CALCRL: variants seen among roughly 807,000 people sequenced by gnomAD.
CALCRL encodes the protein calcitonin receptor like receptor, also known as calcitonin gene-related peptide type 1 receptor.
CALCRL carries 27 observed loss-of-function variants against 60.4 expected under a neutral mutation model. The ratio of observed to expected loss-of-function variants is 0.45; its 90% CI spans 0.33 to 0.62. The LOEUF (loss-of-function observed/expected upper bound fraction) is 0.62. CALCRL is among the 20% of genes least tolerant of loss of function. CALCRL has a pLI of 0.03. For synonymous variants in CALCRL, 190 were observed against 182.6 expected (o/e 1.04, Z -0.33); for missense variants, 424 against 540.7 (o/e 0.78, Z 2.14).
chr2:187,379,100 C>G, intron 7 of CALCRL, 69 bp from the exon 8 acceptor site: 1 of 750,110 alleles, frequency 1.3e-6, no homozygotes, highest in Non-Finnish European at 2.4e-6. Flanking sequence ...CCCACACATG[C>G]AGAAGTTCAA....
At chr2:187,401,985 A>T (rs1230762851) in intron 1 of CALCRL, among the ~76,000 whole-genome samples, 1 of 151,432 alleles carries the variant, frequency 6.6e-6, no homozygotes, top group Non-Finnish European at 1.5e-5. Context: ...GGAAGAAAGG[A>T]AGAAGGGAAA....
At chr2:187,399,301 T>C (rs905043985) in intron 1 of CALCRL, among the ~76,000 whole-genome samples, 3 of 151,476 alleles carry the variant, frequency 2.0e-5, no homozygotes, top group Non-Finnish European at 4.4e-5. Context: ...TTTCTAAAGA[T>C]GAAATAGTCT....
chr2:187,385,161 G>A (rs1185665251), intron 4 of CALCRL, among the ~76,000 whole-genome samples: 1 of 152,198 alleles, frequency 6.6e-6, no homozygotes, highest in African/African-American at 2.4e-5. Flanking sequence ...TCAACTGGCA[G>A]AACGGGAGAA....
intron 1 of CALCRL, among the ~76,000 whole-genome samples, chr2:187,424,826 A>G (rs537678500): frequency 6.6e-6 from 1 of 152,114 alleles, no homozygotes; most frequent in East Asian, 1.9e-4. Context: ...TTTTGTCAAA[A>G]CTGATATATC....
intron 14 of CALCRL, among the ~76,000 whole-genome samples, chr2:187,348,652 A>G (rs949202478): frequency 6.6e-6 from 1 of 151,744 alleles, no homozygotes; most frequent in African/African-American, 2.4e-5. Context: ...CAGAAAAACC[A>G]TAGAAAGCCA....
chr2:187,358,922 C>G, intron 12 of CALCRL, 141 bp downstream of exon 12: 1 of 748,808 alleles, frequency 1.3e-6, no homozygotes. Flanking sequence ...GATACCTTCA[C>G]TAAACGCTAT....
chr2:187,374,932 A>G (rs866562717), intron 8 of CALCRL, among the ~76,000 whole-genome samples: 15 of 152,254 alleles, frequency 9.9e-5, no homozygotes, highest in Middle Eastern at 6.8e-3. Flanking sequence ...AGTGATGACA[A>G]GTTTGGAATA....
chr2:187,347,893 CTACTA>C (rs1574200961), intron 14 of CALCRL, among the ~76,000 whole-genome samples: 1 of 151,658 alleles, frequency 6.6e-6, no homozygotes, highest in East Asian at 1.9e-4. Context: ...TAATTTCACT[CTACTA>C]TATAGTTCAA....
At chr2:187,361,930 A>G (rs138244172) in intron 9 of CALCRL, among the ~76,000 whole-genome samples, 239 of 152,114 alleles carry the variant, frequency 1.6e-3, no homozygotes, top group African/African-American at 5.6e-3. Context: ...ACCTGTATGT[A>G]AAACACAGCA....
chr2:187,438,807 A>T (rs1388376840), intron 1 of CALCRL, among the ~76,000 whole-genome samples: 1 of 152,220 alleles, frequency 6.6e-6, no homozygotes, highest in Non-Finnish European at 1.5e-5. Context: ...ATATTACAGG[A>T]AGCATCTTTA....
Position 187,359,095 on chromosome 2 carries a change from T to C in CALCRL, c.877A>G (p.Ile293Val), listed in dbSNP as rs1686931049. Reference sequence around the variant, plus strand: ...GCAGCACAAATTGGGCCATGGATAATGTAGAGGAGATGGGTATCAGAACTG... The same window carrying C: ...GCAGCACAAATTGGGCCATGGATAACGTAGAGGAGATGGGTATCAGAACTG... ...WISSDTHLLY[I>V]IHGPICAALL... Residue 293 changes from isoleucine to valine, a missense_variant, in exon 12 of 15, where the codon ATT becomes GTT. By Grantham distance (29) the Ile-to-Val change is conservative (BLOSUM62 3). Coordinates refer to ENST00000392370, the MANE Select transcript of CALCRL (RefSeq NM_005795.6). 2 of 1,613,320 alleles carry C rather than the reference T, an allele frequency of 1.2e-6. No homozygotes were observed. Among genetic ancestry groups the C allele is most frequent in the Non-Finnish European group, 1.7e-6 (2 of 1,179,414 alleles).
At chr2:187,350,587 TATAA>T (rs1213543860) in intron 14 of CALCRL, among the ~76,000 whole-genome samples, 3 of 150,766 alleles carry the variant, frequency 2.0e-5, no homozygotes, top group African/African-American at 4.9e-5. Flanking sequence ...ATAATAATAA[TATAA>T]ATAAATACGT....
intron 1 of CALCRL, among the ~76,000 whole-genome samples, chr2:187,420,347 C>T (rs1689814696): frequency 6.6e-6 from 1 of 151,958 alleles, no homozygotes; most frequent in Non-Finnish European, 1.5e-5. Context: ...CTCTTATTTA[C>T]TGAACCACTA....
At chr2:187,446,531 A>G (rs1691194699) in intron 1 of CALCRL, among the ~76,000 whole-genome samples, 1 of 151,784 alleles carries the variant, frequency 6.6e-6, no homozygotes, top group Admixed American at 6.6e-5. Flanking sequence ...ATTATAAAAT[A>G]TGATCATAAT....
chr2:187,369,606 A>C (rs1687437689), intron 8 of CALCRL, among the ~76,000 whole-genome samples: 1 of 152,202 alleles, frequency 6.6e-6, no homozygotes, highest in Non-Finnish European at 1.5e-5. Flanking sequence ...ACTATTGGAT[A>C]GTAATATTTT....
chr2:187,436,260 G>T (rs1399963058), intron 1 of CALCRL, among the ~76,000 whole-genome samples: 1 of 152,114 alleles, frequency 6.6e-6, no homozygotes, highest in Non-Finnish European at 1.5e-5. Flanking sequence ...GGGCACACAT[G>T]CATCATTTAA....
At chr2:187,398,087 G>A (rs573301016) in intron 1 of CALCRL, among the ~76,000 whole-genome samples, 51 of 151,518 alleles carry the variant, frequency 3.4e-4, no homozygotes, top group Non-Finnish European at 5.9e-4. Context: ...AGAGGCAAGC[G>A]GCCAAATCTC....
chr2:187,382,597 TG>T (rs1481111727), intron 5 of CALCRL, among the ~76,000 whole-genome samples: 1 of 152,314 alleles, frequency 6.6e-6, no homozygotes, highest in East Asian at 1.9e-4. Flanking sequence ...TTGCTTTATC[TG>T]GCAACTCTGC....
intron 1 of CALCRL, among the ~76,000 whole-genome samples, chr2:187,405,987 G>A (rs1689106969): frequency 6.6e-6 from 1 of 151,516 alleles, no homozygotes. Flanking sequence ...GTGTGTGTGT[G>A]TGTGTGCATT....
Sources: gnomAD v4.1 joint callset for allele counts (sites outside exome capture counted in the v4.1 genomes callset) on GRCh38, gnomAD v4.1.1 for gene constraint, MANE v1.5 for transcripts, NCBI Gene and HGNC (gene_info 2026-07-23, HGNC 2026-07-21) for gene names.